Variants in FNDC3A observed in about 807,000 individuals in gnomAD.
FNDC3A encodes fibronectin type-III domain-containing protein 3A.
Under a neutral mutation model 148.9 loss-of-function variants are expected in FNDC3A, and 32 were observed. The observed-to-expected ratio is 0.21, with a 90% CI of 0.16 to 0.29. The LOEUF (loss-of-function observed/expected upper bound fraction) is 0.29, where lower values mean the gene tolerates loss of function less well. Ranked by LOEUF, FNDC3A falls within the 10% of genes least tolerant of loss-of-function variation. The pLI is 1.00. For synonymous variants in FNDC3A, 472 were observed against 473.6 expected (o/e 1.00, Z 0.04); for missense variants, 1,191 against 1,452.8 (o/e 0.82, Z 2.93).
At chr13:49,069,019 TTA>T (rs1021744199) in intron 2 of FNDC3A, among the ~76,000 whole-genome samples, 57 of 152,234 alleles carry the variant, frequency 3.7e-4, no homozygotes, top group African/African-American at 1.3e-3. Context: ...CAGTGTTTAC[TTA>T]TATAACAAAC....
chr13:49,041,966 C>T (rs1284070133), intron 2 of FNDC3A, among the ~76,000 whole-genome samples: 1 of 151,750 alleles, frequency 6.6e-6, no homozygotes, highest in Non-Finnish European at 1.5e-5. Context: ...CAAATAATTG[C>T]ACAAAATAAT....
At chr13:49,072,075 C>CA (rs1238305152) in intron 2 of FNDC3A, among the ~76,000 whole-genome samples, 1 of 151,996 alleles carries the variant, frequency 6.6e-6, no homozygotes. Flanking sequence ...ATGTCTTAAA[C>CA]AAAAAAATAT....
intron 4 of FNDC3A, among the ~76,000 whole-genome samples, chr13:49,125,868 AC>A (rs1247689452): frequency 6.6e-6 from 1 of 152,204 alleles, no homozygotes; most frequent in Non-Finnish European, 1.5e-5. Context: ...AGAAAAAAAA[AC>A]ATGTCTTTGC....
At chr13:49,002,298 T>C (rs1952140973) in intron 1 of FNDC3A, among the ~76,000 whole-genome samples, 1 of 152,234 alleles carries the variant, frequency 6.6e-6, no homozygotes, top group African/African-American at 2.4e-5. Flanking sequence ...CTGTAGGTTT[T>C]TCATATATAG....
chr13:49,153,731 A>C (rs1220386754), intron 8 of FNDC3A, among the ~76,000 whole-genome samples: 1 of 136,732 alleles, frequency 7.3e-6, no homozygotes, highest in Non-Finnish European at 1.6e-5. Flanking sequence ...TCAGCTTTCT[A>C]CATATGGCTA....
At chr13:49,091,249 C>A (rs187751080) in intron 3 of FNDC3A, among the ~76,000 whole-genome samples, 2 of 148,702 alleles carry the variant, frequency 1.3e-5, no homozygotes, top group African/African-American at 5.0e-5. Context: ...TACAAAGAAA[C>A]AGAAAAGTAT....
At chr13:49,003,800 G>GT (rs1285168154) in intron 1 of FNDC3A, among the ~76,000 whole-genome samples, 14 of 152,028 alleles carry the variant, frequency 9.2e-5, no homozygotes, top group African/African-American at 3.1e-4. Context: ...AGATGTCCAG[G>GT]TTTTTTTCAC....
intron 5 of FNDC3A, among the ~76,000 whole-genome samples, chr13:49,136,084 A>T (rs1033588425): frequency 6.6e-6 from 1 of 152,220 alleles, no homozygotes; most frequent in Non-Finnish European, 1.5e-5. Flanking sequence ...ATTAATAATT[A>T]GTTGAGAACA....
intron 8 of FNDC3A, among the ~76,000 whole-genome samples, chr13:49,158,059 C>CGGG (rs1396089625): frequency 3.3e-5 from 5 of 152,150 alleles, no homozygotes; most frequent in Admixed American, 3.3e-4. Context: ...TCAGTTCGAG[C>CGGG]TTCCCGGCTG....
At chr13:49,203,415 A>G (rs1273784560) in intron 25 of FNDC3A, 131 bp downstream of exon 25, 1 of 609,442 alleles carries the variant, frequency 1.6e-6, no homozygotes, top group Non-Finnish European at 2.8e-6. Context: ...ATTATGTTCC[A>G]GAGATCTCAA....
At chr13:49,026,295 T>A (rs747639326) in intron 2 of FNDC3A, among the ~76,000 whole-genome samples, 44 of 152,212 alleles carry the variant, frequency 2.9e-4, no homozygotes, top group South Asian at 1.2e-3. Flanking sequence ...ACACTCCAAG[T>A]TCGGAAAAAT....
intron 4 of FNDC3A, among the ~76,000 whole-genome samples, chr13:49,130,526 A>G (rs1881963535): frequency 6.6e-6 from 1 of 152,150 alleles, no homozygotes. Context: ...GTCTAAACCA[A>G]AATTACTCCA....
At chr13:49,037,272 G>C (rs999822594) in intron 2 of FNDC3A, among the ~76,000 whole-genome samples, 1 of 152,162 alleles carries the variant, frequency 6.6e-6, no homozygotes, top group Admixed American at 6.5e-5. Context: ...CTTATTATAT[G>C]TTAACTCATT....
chr13:49,011,788 C>A (rs947674351), intron 2 of FNDC3A, among the ~76,000 whole-genome samples: 1 of 152,022 alleles, frequency 6.6e-6, no homozygotes, highest in Non-Finnish European at 1.5e-5. Context: ...CAGAGCAAGA[C>A]CGTGTCTCAA....
Position 49,074,273 on chromosome 13 carries a change from G to GTCATTCT in FNDC3A, c.100-1014_100-1008dup, listed in dbSNP as rs57336785. ...TCCCCGCATCCCGAAAGTTGATTGTGTCATTCTTATGCCTTTGCATCCTCA... is the reference window on the plus strand; with the variant it reads ...TCCCCGCATCCCGAAAGTTGATTGTGTCATTCTTCATTCTTATGCCTTTGCATCCTCA... On this transcript the variant is annotated intron_variant, in intron 2 of 25. Coordinates refer to ENST00000492622, the MANE Select transcript of FNDC3A (RefSeq NM_001079673.2). 9.5e-3 allele frequency among the ~76,000 whole-genome samples: 1,450 copies of GTCATTCT among 152,196 alleles called. 14 individuals are homozygous for GTCATTCT. Among genetic ancestry groups the GTCATTCT allele is most frequent in the African/African-American group, 0.023 (941 of 41,534 alleles).
intron 4 of FNDC3A, among the ~76,000 whole-genome samples, chr13:49,126,722 T>A (rs146888739): frequency 5.6e-4 from 85 of 152,326 alleles, no homozygotes; most frequent in African/African-American, 2.0e-3. Context: ...ATTTAACATC[T>A]CTATGTCTCA....
rs78659238 is a variant in FNDC3A at position 49,109,107 on chromosome 13, A to C, written c.176-5548A>C. ...CTCTGCTTCAGTTTTCTTACCTGGA[A>C]ATGATGCTCACTTCACTTGTTAGGA... On this transcript the variant is annotated intron_variant, in intron 3 of 25. Coordinates refer to ENST00000492622, the MANE Select transcript of FNDC3A (RefSeq NM_001079673.2). Among the ~76,000 whole-genome samples, 1,216 of 152,304 alleles carry C rather than the reference A, an allele frequency of 8.0e-3. 11 individuals are homozygous for C. The highest frequency in any genetic ancestry group is 0.018 in the African/African-American group (749 of 41,558).
At chr13:49,006,580 C>T (rs1040661631) in intron 2 of FNDC3A, among the ~76,000 whole-genome samples, 1 of 151,852 alleles carries the variant, frequency 6.6e-6, no homozygotes, top group African/African-American at 2.4e-5. Context: ...TAGCCTTGTA[C>T]CTTAATGATT....
intron 19 of FNDC3A, among the ~76,000 whole-genome samples, chr13:49,193,950 T>C (rs763983171): frequency 8.6e-5 from 13 of 151,632 alleles, no homozygotes; most frequent in Non-Finnish European, 1.8e-4. Flanking sequence ...CAAAAAACTA[T>C]TAAATGACAG....
Sources: gnomAD v4.1 joint callset for allele counts (sites outside exome capture counted in the v4.1 genomes callset) on GRCh38, gnomAD v4.1.1 for gene constraint, MANE v1.5 for transcripts, NCBI Gene and HGNC (gene_info 2026-07-23, HGNC 2026-07-21) for gene names.